Variants in OSBPL8 observed in about 807,000 individuals in gnomAD.
OSBPL8 encodes the protein oxysterol-binding protein-related protein 8.
OSBPL8 carries 59 observed loss-of-function variants against 125.5 expected under a neutral mutation model. The ratio of observed to expected loss-of-function variants is 0.47; its 90% CI spans 0.38 to 0.58. The LOEUF is 0.58. Ranked by LOEUF, OSBPL8 falls within the 20% of genes least tolerant of loss-of-function variation. The pLI, the probability that OSBPL8 is intolerant of heterozygous loss-of-function variation, is 0.00. For missense variants in OSBPL8, 758 were observed against 1,047.8 expected (o/e 0.72, Z 3.82); for synonymous variants, 330 against 338.9 (o/e 0.97, Z 0.29).
intron 2 of OSBPL8, among the ~76,000 whole-genome samples, chr12:76,470,733 T>C (rs184997282): frequency 8.5e-5 from 13 of 152,270 alleles, no homozygotes; most frequent in Non-Finnish European, 1.6e-4. Context: ...CTGCTAATAA[T>C]AACATGGAAA....
At chr12:76,358,600 G>T in intron 22 of OSBPL8, 106 bp downstream of exon 22, 2 of 981,400 alleles carry the variant, frequency 2.0e-6, no homozygotes, top group South Asian at 1.5e-5. Context: ...ACCCTGCCCC[G>T]ACCAAAACTC....
intron 1 of OSBPL8, among the ~76,000 whole-genome samples, chr12:76,532,674 T>C (rs1335602201): frequency 6.6e-6 from 1 of 151,396 alleles, no homozygotes; most frequent in African/African-American, 2.4e-5. Context: ...CTCCAACATA[T>C]GCAATCTTGG....
rs1257736417 is a variant in OSBPL8, at chr12:76,397,865, T to C, written c.501A>G (p.Leu167=). Residue 167 remains leucine, a synonymous_variant, in exon 8 of 24, where the codon TTA becomes TTG. Coordinates refer to ENST00000261183, the MANE Select transcript of OSBPL8 (RefSeq NM_020841.5). ...GCACCCCAGGTTTCAACACACACCA[T>C]AACTTGGTCCAGCTCTTTAGAGTAC... ...IRGTLKSWTK[L]WCVLKPGVLL... 6.8e-6 allele frequency: 11 copies of C among 1,614,108 alleles called. No homozygotes were observed. Among genetic ancestry groups the C allele is most frequent in the Non-Finnish European group, 9.3e-6 (11 of 1,180,000 alleles).
intron 3 of OSBPL8, among the ~76,000 whole-genome samples, chr12:76,455,949 T>C (rs1873983354): frequency 1.3e-5 from 2 of 152,232 alleles, no homozygotes. Context: ...CTGCTGTTTC[T>C]ACTTCAAGTG....
Position 76,408,934 on chromosome 12 carries a change from C to T in OSBPL8, c.288+1630G>A, listed in dbSNP as rs574141336. ...GTTTAGGTGTTTAGGCTTTTGAGTA[C>T]GAATACCATTATACCATGTATTCAC... On this transcript the variant is annotated intron_variant, in intron 5 of 23. Coordinates refer to ENST00000261183, the MANE Select transcript of OSBPL8 (RefSeq NM_020841.5). Among the ~76,000 whole-genome samples the T allele has an allele frequency of 6.2e-4, 94 of 151,802 alleles. 1 individual carries two copies. The highest frequency in any genetic ancestry group is 2.1e-3 in the African/African-American group (86 of 41,358).
chr12:76,513,747 T>G (rs1273265858), intron 1 of OSBPL8, among the ~76,000 whole-genome samples: 3 of 150,120 alleles, frequency 2.0e-5, no homozygotes, highest in Non-Finnish European at 4.4e-5. Flanking sequence ...CCCCTGGGTT[T>G]TTTTTTTTTT....
At chr12:76,373,096 TTAAA>T (rs1375423562) in intron 18 of OSBPL8, among the ~76,000 whole-genome samples, 1 of 152,222 alleles carries the variant, frequency 6.6e-6, no homozygotes, top group East Asian at 1.9e-4. Flanking sequence ...AGTAACATTC[TTAAA>T]TAATGCAGTA....
At chr12:76,413,090 G>C (rs1379458308) in intron 4 of OSBPL8, among the ~76,000 whole-genome samples, 1 of 152,084 alleles carries the variant, frequency 6.6e-6, no homozygotes, top group East Asian at 1.9e-4. Context: ...AAATTTAATA[G>C]AAAGAACTCC....
chr12:76,516,101 C>T (rs191548820), intron 1 of OSBPL8, among the ~76,000 whole-genome samples: 3 of 152,224 alleles, frequency 2.0e-5, no homozygotes, highest in African/African-American at 7.2e-5. Flanking sequence ...TTCAAAAAAT[C>T]TGAAAAAGCA....
chr12:76,462,669 G>A (rs965753574), intron 2 of OSBPL8, among the ~76,000 whole-genome samples: 1 of 152,052 alleles, frequency 6.6e-6, no homozygotes, highest in Non-Finnish European at 1.5e-5. Context: ...AAACTAGGGG[G>A]GGAAATAAGT....
intron 2 of OSBPL8, among the ~76,000 whole-genome samples, chr12:76,484,423 T>G (rs1483171919): frequency 2.0e-5 from 3 of 152,218 alleles, no homozygotes; most frequent in Non-Finnish European, 4.4e-5. Context: ...TATTTATCTT[T>G]TTGTAGAGAA....
chr12:76,446,682 T>G (rs922870624), intron 4 of OSBPL8, among the ~76,000 whole-genome samples: 2 of 152,138 alleles, frequency 1.3e-5, no homozygotes, highest in Non-Finnish European at 2.9e-5. Flanking sequence ...CTGATGACAG[T>G]AATGATAATA....
chr12:76,380,344 T>C (rs568880988), intron 15 of OSBPL8, among the ~76,000 whole-genome samples: 1 of 152,212 alleles, frequency 6.6e-6, no homozygotes, highest in African/African-American at 2.4e-5. Context: ...GACTTACACA[T>C]CTTTTATTAA....
At chr12:76,441,637 T>C (rs1329722066) in intron 4 of OSBPL8, among the ~76,000 whole-genome samples, 3 of 152,124 alleles carry the variant, frequency 2.0e-5, no homozygotes, top group Admixed American at 2.0e-4. Flanking sequence ...AGGTAATAGT[T>C]GATCATTTTT....
At chr12:76,406,553 A>C (rs1027279359) in intron 5 of OSBPL8, among the ~76,000 whole-genome samples, 2 of 152,206 alleles carry the variant, frequency 1.3e-5, no homozygotes, top group Non-Finnish European at 2.9e-5. Context: ...AATCTGATTA[A>C]CCGACTTTTC....
At chr12:76,426,500 C>T (rs1205865845) in intron 4 of OSBPL8, among the ~76,000 whole-genome samples, 2 of 151,878 alleles carry the variant, frequency 1.3e-5, no homozygotes, top group African/African-American at 4.8e-5. Flanking sequence ...AAAGAAAAGG[C>T]ACAAAAAAGT....
At chr12:76,548,747 T>C (rs1011849946) in intron 1 of OSBPL8, among the ~76,000 whole-genome samples, 1 of 151,160 alleles carries the variant, frequency 6.6e-6, no homozygotes, top group Admixed American at 6.6e-5. Context: ...GAATTCCTAC[T>C]CAAAGAAAAA....
intron 1 of OSBPL8, among the ~76,000 whole-genome samples, chr12:76,556,721 T>C (rs1951111760): frequency 1.3e-5 from 2 of 152,294 alleles, no homozygotes; most frequent in South Asian, 4.1e-4. Flanking sequence ...TGGAGTGCAA[T>C]GGCATGATCT....
Position 76,532,852 on chromosome 12 carries a change from T to C in OSBPL8, c.-68+26545A>G, listed in dbSNP as rs190705973. ...ATCCTAATGGGGGCTCCACAAAGATTGTTGCTTTCTGCTCTCTAGATCCCT... is the reference window on the plus strand; with the variant it reads ...ATCCTAATGGGGGCTCCACAAAGATCGTTGCTTTCTGCTCTCTAGATCCCT... On this transcript the variant is annotated intron_variant, in intron 1 of 23. Transcript: ENST00000261183. 3.9e-5 allele frequency among the ~76,000 whole-genome samples: 6 copies of C among 152,316 alleles called. No homozygotes were observed. The East Asian group carries it at 1.2e-3, about 29-fold the overall frequency.
Sources: gnomAD v4.1 joint callset for allele counts (sites outside exome capture counted in the v4.1 genomes callset) on GRCh38, gnomAD v4.1.1 for gene constraint, MANE v1.5 for transcripts, NCBI Gene and HGNC (gene_info 2026-07-23, HGNC 2026-07-21) for gene names.